Variants in RNGTT observed in about 807,000 individuals in gnomAD.
The protein encoded by RNGTT is mRNA-capping enzyme.
A neutral mutation model predicts 79.3 loss-of-function variants in RNGTT; 33 were observed. The observed-to-expected ratio is 0.42, with a 90% CI of 0.32 to 0.56. RNGTT has a LOEUF of 0.56. Ranked by LOEUF, RNGTT falls within the 20% of genes least tolerant of loss-of-function variation. The pLI is 0.17. For synonymous variants in RNGTT, 222 were observed against 235.9 expected (o/e 0.94, Z 0.54); for missense variants, 497 against 739.1 (o/e 0.67, Z 3.80).
intron 13 of RNGTT, among the ~76,000 whole-genome samples, chr6:88,722,030 C>T (rs1026782557): frequency 6.6e-6 from 1 of 151,712 alleles, no homozygotes; most frequent in Non-Finnish European, 1.5e-5. Context: ...TTGGCATACA[C>T]ATGCCTCAAA....
chr6:88,917,683 T>C (rs772960234), intron 4 of RNGTT, among the ~76,000 whole-genome samples: 1 of 152,104 alleles, frequency 6.6e-6, no homozygotes, highest in Non-Finnish European at 1.5e-5. Context: ...GGCCAGGAGT[T>C]CAAAATCAGC....
chr6:88,851,297 T>C (rs943559183), intron 9 of RNGTT, among the ~76,000 whole-genome samples: 35 of 151,792 alleles, frequency 2.3e-4, no homozygotes, highest in Middle Eastern at 3.2e-3. Context: ...TATATACATA[T>C]TGGTTATACA....
At chr6:88,789,898 C>T (rs1347985176) in intron 12 of RNGTT, among the ~76,000 whole-genome samples, 1 of 152,174 alleles carries the variant, frequency 6.6e-6, no homozygotes, top group East Asian at 1.9e-4. Flanking sequence ...TCTTGATTTA[C>T]TTGAATTGTT....
In RNGTT at chr6:88,904,729, C is replaced by T. The variant is rs761305080; in HGVS notation, c.670G>A (p.Glu224Lys). The T allele has an allele frequency of 3.1e-6, 5 of 1,613,452 alleles. No individual in the cohort carries two copies. The highest frequency in any genetic ancestry group is 4.2e-6 in the Non-Finnish European group (5 of 1,179,828). Residue 224 changes from glutamate (E) to lysine (K), a missense_variant, in exon 6 of 16, where the codon GAA (glutamate) becomes AAA (lysine). Around this residue, in one of 3 missense-constraint regions of RNGTT, gnomAD observed 440 missense variants for 671.5 expected, o/e 0.66. Transcript: ENST00000369485. The part of the protein sequence containing the change: ...SSASFGKRRK[E>K]RLKLGAIFLE... The stretch of plus-strand genomic sequence containing the variant: ...TTAAACATTACCAGTTTTAACCGTT[C>T]TTTTCTCCTTTTGCCAAAAGAAGCA...
intron 14 of RNGTT, among the ~76,000 whole-genome samples, chr6:88,662,375 C>A (rs1774219696): frequency 6.6e-6 from 1 of 152,190 alleles, no homozygotes; most frequent in Non-Finnish European, 1.5e-5. Context: ...ATCACTGATG[C>A]ATGTAGCTCT....
At chr6:88,908,087 C>T (rs1488876239) in intron 4 of RNGTT, among the ~76,000 whole-genome samples, 1 of 152,092 alleles carries the variant, frequency 6.6e-6, no homozygotes, top group Non-Finnish European at 1.5e-5. Context: ...ATATATAGAT[C>T]ATACTGATAC....
rs149821289 is a variant in RNGTT, at chr6:88,903,959, T to C, written c.684+756A>G. 2.2e-3 allele frequency among the ~76,000 whole-genome samples: 340 copies of C among 152,270 alleles called. 3 individuals are homozygous for C. The highest frequency in any genetic ancestry group is 8.0e-3 in the African/African-American group (333 of 41,554). On this transcript the variant is annotated intron_variant, in intron 6 of 15. Transcript: ENST00000369485. The stretch of plus-strand genomic sequence containing the variant: ...AGCTCTTTTATTTCTAGAAGATTAT[T>C]AAAGGTTGGCTAGAGAAGTGAGAGT...
chr6:88,896,321 G>C (rs1232039283), intron 6 of RNGTT, among the ~76,000 whole-genome samples: 7 of 152,160 alleles, frequency 4.6e-5, no homozygotes, highest in Admixed American at 3.9e-4. Flanking sequence ...CAAAGTTGAT[G>C]GGAGCACGAA....
chr6:88,666,555 C>A (rs1414473862), intron 14 of RNGTT, among the ~76,000 whole-genome samples: 3 of 152,210 alleles, frequency 2.0e-5, no homozygotes, highest in African/African-American at 7.2e-5. Flanking sequence ...CCCCATATAA[C>A]CACTGAAGTT....
intron 14 of RNGTT, among the ~76,000 whole-genome samples, chr6:88,658,052 T>A (rs933017827): frequency 2.0e-5 from 3 of 152,134 alleles, no homozygotes; most frequent in Admixed American, 2.0e-4. Context: ...CAAGTACTTA[T>A]CCTGGCCAAT....
chr6:88,860,881 T>C (rs537552996), intron 8 of RNGTT, among the ~76,000 whole-genome samples: 4 of 152,018 alleles, frequency 2.6e-5, no homozygotes, highest in Admixed American at 6.6e-5. Flanking sequence ...TGCCTCAATA[T>C]ATACAGCTAA....
At chr6:88,769,137 T>G (rs1000826128) in intron 13 of RNGTT, among the ~76,000 whole-genome samples, 1 of 152,178 alleles carries the variant, frequency 6.6e-6, no homozygotes. Context: ...CACTTTACAA[T>G]TTAACAAAGT....
intron 1 of RNGTT, among the ~76,000 whole-genome samples, chr6:88,955,625 A>G (rs1247536255): frequency 6.6e-6 from 1 of 152,052 alleles, no homozygotes; most frequent in African/African-American, 2.4e-5. Flanking sequence ...ACTTCAAGGA[A>G]CTAGAGAAAC....
chr6:88,887,747 G>A (rs1268191219), intron 8 of RNGTT, among the ~76,000 whole-genome samples: 1 of 152,134 alleles, frequency 6.6e-6, no homozygotes, highest in Non-Finnish European at 1.5e-5. Flanking sequence ...GCAGAAACAA[G>A]AGACAAATTT....
At chr6:88,645,069 G>T (rs542762626) in intron 14 of RNGTT, among the ~76,000 whole-genome samples, 1 of 152,164 alleles carries the variant, frequency 6.6e-6, no homozygotes, top group Non-Finnish European at 1.5e-5. Flanking sequence ...AATTGTCCCT[G>T]TTTGCAGATG....
At chr6:88,742,300 G>C (rs1427029523) in intron 13 of RNGTT, among the ~76,000 whole-genome samples, 4 of 152,142 alleles carry the variant, frequency 2.6e-5, no homozygotes, top group African/African-American at 4.8e-5. Flanking sequence ...ATGACTTTTT[G>C]TTTAAAAGCT....
At chr6:88,930,378 C>T (rs574158104) in intron 2 of RNGTT, among the ~76,000 whole-genome samples, 50 of 151,586 alleles carry the variant, frequency 3.3e-4, no homozygotes, top group African/African-American at 4.4e-4. Flanking sequence ...GATGGTAGTA[C>T]GGGAAATTTG....
At chr6:88,818,006 G>A (rs1440047260) in intron 11 of RNGTT, among the ~76,000 whole-genome samples, 2 of 151,408 alleles carry the variant, frequency 1.3e-5, no homozygotes, top group Non-Finnish European at 2.9e-5. Context: ...TGATCCGCCC[G>A]TCTCGGCCTC....
At chr6:88,772,451 G>A (rs543902782) in intron 12 of RNGTT, among the ~76,000 whole-genome samples, 14 of 152,054 alleles carry the variant, frequency 9.2e-5, no homozygotes, top group Non-Finnish European at 1.6e-4. Flanking sequence ...AATTTCAACA[G>A]ACCTAAAGAG....
Sources: allele counts gnomAD v4.1 joint callset (sites outside exome capture counted in the v4.1 genomes callset), GRCh38; gene constraint gnomAD v4.1.1; regional missense constraint gnomAD v4.1.1; transcripts MANE v1.5; gene names NCBI Gene and HGNC (gene_info 2026-07-23, HGNC 2026-07-21).